CDH2: variants seen among roughly 807,000 people sequenced by gnomAD.
CDH2 encodes the protein cadherin 2.
CDH2 carries 17 observed loss-of-function variants against 92.0 expected under a neutral mutation model. The ratio of observed to expected loss-of-function variants is 0.18; its 90% confidence interval spans 0.13 to 0.28. The LOEUF is 0.28. Among genes scored for constraint, CDH2 ranks in the 10% least tolerant of loss-of-function variants. The pLI is 1.00. For missense variants in CDH2, 862 were observed against 1,133.1 expected (o/e 0.76, Z 3.44); for synonymous variants, 419 against 415.9 (o/e 1.01, Z -0.09).
At chr18:28,066,708 T>A (rs1356554433) in intron 2 of CDH2, among the ~76,000 whole-genome samples, 1 of 151,706 alleles carries the variant, frequency 6.6e-6, no homozygotes, top group Non-Finnish European at 1.5e-5. Flanking sequence ...GTTTTACCAC[T>A]GGATTAGATG....
intron 1 of CDH2, among the ~76,000 whole-genome samples, chr18:28,172,092 TGTGTGTGTGTGC>T (rs2016473494): frequency 6.6e-6 from 1 of 151,772 alleles, no homozygotes; most frequent in African/African-American, 2.4e-5. Flanking sequence ...TGTGTGTGTG[TGTGTGTGTGTGC>T]GTGTGTGTAT....
intron 2 of CDH2, among the ~76,000 whole-genome samples, chr18:28,085,751 C>A (rs562205220): frequency 6.6e-6 from 1 of 152,254 alleles, no homozygotes; most frequent in East Asian, 1.9e-4. Context: ...CTATTCTCAA[C>A]CCTAGAGTCA....
chr18:28,167,360 T>C (rs549458002), intron 1 of CDH2, among the ~76,000 whole-genome samples: 1 of 152,122 alleles, frequency 6.6e-6, no homozygotes, highest in African/African-American at 2.4e-5. Context: ...AATGTGCGAG[T>C]GGCCTTTAGC....
At chr18:28,086,004 A>G (rs2014920335) in intron 2 of CDH2, among the ~76,000 whole-genome samples, 1 of 152,168 alleles carries the variant, frequency 6.6e-6, no homozygotes, top group Non-Finnish European at 1.5e-5. Flanking sequence ...TCACCACTGT[A>G]TTATAAACTT....
chr18:27,959,918 G>A (rs1359797380), intron 15 of CDH2, among the ~76,000 whole-genome samples: 2 of 151,888 alleles, frequency 1.3e-5, no homozygotes, highest in Non-Finnish European at 2.9e-5. Context: ...GGAAGGTTGA[G>A]GATGGAGGAT....
chr18:28,084,314 T>C (rs1410416909), intron 2 of CDH2, among the ~76,000 whole-genome samples: 3 of 152,112 alleles, frequency 2.0e-5, no homozygotes. Context: ...GATTTCCTTA[T>C]TTCATGTTAT....
chr18:28,139,250 G>A (rs2015914070), intron 2 of CDH2, among the ~76,000 whole-genome samples: 1 of 151,966 alleles, frequency 6.6e-6, no homozygotes, highest in Non-Finnish European at 1.5e-5. Context: ...CCTAGTCGCT[G>A]ATATTGTCTT....
At chr18:28,039,604 T>C (rs534058660) in intron 2 of CDH2, among the ~76,000 whole-genome samples, 1 of 152,328 alleles carries the variant, frequency 6.6e-6, no homozygotes, top group Non-Finnish European at 1.5e-5. Context: ...GATAGGTTTC[T>C]AGCTCACACT....
intron 1 of CDH2, among the ~76,000 whole-genome samples, chr18:28,163,029 A>T (rs2144356669): frequency 6.6e-6 from 1 of 152,364 alleles, no homozygotes; most frequent in Middle Eastern, 3.4e-3. Context: ...GAAGAGAATG[A>T]GAAACACACA....
At chr18:28,134,491 C>T (rs1353919555) in intron 2 of CDH2, among the ~76,000 whole-genome samples, 2 of 152,106 alleles carry the variant, frequency 1.3e-5, no homozygotes, top group Admixed American at 6.5e-5. Flanking sequence ...GGGAAGATTG[C>T]TCAGCTCAGG....
chr18:28,078,455 C>G (rs2014766506), intron 2 of CDH2, among the ~76,000 whole-genome samples: 1 of 152,022 alleles, frequency 6.6e-6, no homozygotes. Context: ...TAGATTAAGA[C>G]AGCAGAGACC....
chr18:27,979,779 T>TA (rs1278473164), intron 14 of CDH2, among the ~76,000 whole-genome samples: 2 of 152,052 alleles, frequency 1.3e-5, no homozygotes, highest in Non-Finnish European at 2.9e-5. Flanking sequence ...GTGACAGAAA[T>TA]AAAAAAGAGT....
At chr18:28,137,563 G>C (rs948185430) in intron 2 of CDH2, among the ~76,000 whole-genome samples, 1 of 150,120 alleles carries the variant, frequency 6.7e-6, no homozygotes, top group East Asian at 1.9e-4. Flanking sequence ...AAACATGAAG[G>C]TATTAAAGGC....
intron 2 of CDH2, among the ~76,000 whole-genome samples, chr18:28,014,280 CA>C (rs1378734796): frequency 8.5e-5 from 13 of 152,136 alleles, no homozygotes; most frequent in African/African-American, 2.7e-4. Context: ...CAAAGCAGAA[CA>C]AACCCCCTTT....
intron 2 of CDH2, among the ~76,000 whole-genome samples, chr18:28,048,013 CT>C (rs1254331321): frequency 6.6e-6 from 1 of 150,444 alleles, no homozygotes; most frequent in Non-Finnish European, 1.5e-5. Context: ...TACAGTTTTG[CT>C]TTATCTATCT....
intron 7 of CDH2, among the ~76,000 whole-genome samples, chr18:27,994,010 A>G (rs2012506648): frequency 6.6e-6 from 1 of 152,250 alleles, no homozygotes; most frequent in South Asian, 2.1e-4. Flanking sequence ...ATTTCTACCC[A>G]GTTTAGGATA....
At chr18:27,990,053 G>A (rs1335601785) in intron 10 of CDH2, 44 bp downstream of exon 10, 3 of 1,573,894 alleles carry the variant, frequency 1.9e-6, no homozygotes, top group Admixed American at 1.7e-5. Flanking sequence ...GCACAGCATA[G>A]AACATAAGTA....
intron 2 of CDH2, among the ~76,000 whole-genome samples, chr18:28,024,759 A>AT (rs2013504913): frequency 6.6e-6 from 1 of 151,862 alleles, no homozygotes; most frequent in Non-Finnish European, 1.5e-5. Context: ...CTTAAACATA[A>AT]TATAAACACT....
At chr18:28,067,515 T>C (rs769951590) in intron 2 of CDH2, among the ~76,000 whole-genome samples, 5 of 152,190 alleles carry the variant, frequency 3.3e-5, no homozygotes, top group Admixed American at 6.5e-5. Flanking sequence ...TTCTTTCACT[T>C]AGCACAGTGT....
Sources: allele counts gnomAD v4.1 joint callset (sites outside exome capture counted in the v4.1 genomes callset), GRCh38; gene constraint gnomAD v4.1.1; transcripts MANE v1.5; gene names NCBI Gene and HGNC (gene_info 2026-07-23, HGNC 2026-07-21).